AGPAT4: variants seen among roughly 807,000 people sequenced by gnomAD.
The protein encoded by AGPAT4 is 1-acyl-sn-glycerol-3-phosphate acyltransferase delta.
In AGPAT4, 15 loss-of-function variants were observed where a neutral mutation model predicts 48.0. That is an observed-to-expected ratio of 0.31 (90% confidence interval 0.21 to 0.48). AGPAT4 has a LOEUF of 0.48. Ranked by LOEUF, AGPAT4 falls within the 20% of genes least tolerant of loss-of-function variation. The pLI is 0.99. For missense variants in AGPAT4, 314 were observed against 482.5 expected, an observed-to-expected ratio of 0.65 and a Z score of 3.27; for synonymous variants, 178 against 198.7, an observed-to-expected ratio of 0.90 and a Z score of 0.88.
In AGPAT4 at chr6:161,223,096, C is replaced by A. The variant is rs542294529; in HGVS notation, c.178+8940G>T. Among the ~76,000 whole-genome samples, 1 of 152,268 alleles carries A rather than the reference C, an allele frequency of 6.6e-6. No individual in the cohort carries two copies. Among genetic ancestry groups the A allele is most frequent in the South Asian group, 2.1e-4 (1 of 4,828 alleles). Reference sequence around the variant, plus strand: ...CCTGCACTCCCTGTGTACCTCCAGTCTAATCATCAACTCACTGCTCTACCA... The same window carrying A: ...CCTGCACTCCCTGTGTACCTCCAGTATAATCATCAACTCACTGCTCTACCA... On this transcript the variant is annotated intron_variant, in intron 2 of 8. Transcript: ENST00000320285. The surrounding 1 kb of genome is among the most constrained non-coding windows in gnomAD (Gnocchi z 6.3).
chr6:161,194,596 GTA>G (rs1340286803), intron 2 of AGPAT4, among the ~76,000 whole-genome samples: 1 of 151,688 alleles, frequency 6.6e-6, no homozygotes, highest in East Asian at 1.9e-4. Flanking sequence ...GTGTATGTAT[GTA>G]TGTGTGTCTA....
rs869113068 is a variant in AGPAT4 at position 161,181,503 on chromosome 6, CA to C, written c.179-15087del. On this transcript the variant is annotated intron_variant, in intron 2 of 8. Transcript: ENST00000320285. ...GGCCATGCAGACACGGTGGGGGTAG[CA>C]GGGGGCGGGGGGCGCTTCCTAACTG... 2.1e-4 allele frequency among the ~76,000 whole-genome samples: 27 copies of C among 126,134 alleles called. 1 individual carries two copies. Among genetic ancestry groups the C allele is most frequent in the African/African-American group, 6.3e-4 (21 of 33,482 alleles). 82.7% of individuals were successfully genotyped at this position (126,134 alleles called of 152,430 possible).
At position 161,223,523 on chromosome 6, in the gene AGPAT4, A is replaced by G. The variant is rs1781886074; in HGVS notation, c.178+8513T>C. ...GTTCACATAGCGGTGTTATTAAATGAGGTAATGGCTAGGAAAGGTTTAGCA... is the reference window on the plus strand; with the variant it reads ...GTTCACATAGCGGTGTTATTAAATGGGGTAATGGCTAGGAAAGGTTTAGCA... On this transcript the variant is annotated intron_variant, in intron 2 of 8. Coordinates refer to ENST00000320285, the MANE Select transcript of AGPAT4 (RefSeq NM_020133.3). The surrounding 1 kb of genome is among the most constrained non-coding windows in gnomAD (Gnocchi z 6.3). Among the ~76,000 whole-genome samples, 1 of 152,230 alleles carries G rather than the reference A, an allele frequency of 6.6e-6. No individual in the cohort carries two copies. Among genetic ancestry groups the G allele is most frequent in the Non-Finnish European group, 1.5e-5 (1 of 68,036 alleles).
chr6:161,143,232 G>A lies in AGPAT4; in HGVS notation c.843+3292C>T, dbSNP rs977634229. Among the ~76,000 whole-genome samples the A allele has an allele frequency of 2.6e-5, 4 of 152,148 alleles. No homozygotes were observed. Among genetic ancestry groups the A allele is most frequent in the African/African-American group, 9.7e-5 (4 of 41,422 alleles). ...GGACTACAGGTGTGTACCGCTAGGTGCAGCTAGTTTGTAAAATTTTTTTGT... is the reference window on the plus strand; with the variant it reads ...GGACTACAGGTGTGTACCGCTAGGTACAGCTAGTTTGTAAAATTTTTTTGT... On this transcript the variant is annotated intron_variant, in intron 7 of 8. Coordinates refer to ENST00000320285, the MANE Select transcript of AGPAT4 (RefSeq NM_020133.3). This position sits in a 1 kb window ranked among gnomAD's most constrained non-coding sequence, Gnocchi z 4.7.
At chr6:161,176,374 C>G (rs1202681362) in intron 2 of AGPAT4, among the ~76,000 whole-genome samples, 1 of 152,038 alleles carries the variant, frequency 6.6e-6, no homozygotes, top group Non-Finnish European at 1.5e-5. Flanking sequence ...TGAATTGATC[C>G]CTTCACCATT....
At chr6:161,160,289 T>C (rs1583290967) in intron 3 of AGPAT4, 1 of 152,548 alleles carries the variant, frequency 6.6e-6, no homozygotes, top group South Asian at 2.1e-4. Context: ...CTTGCTCACA[T>C]TGCATTCCTT....
intron 2 of AGPAT4, among the ~76,000 whole-genome samples, chr6:161,174,876 A>G (rs965543491): frequency 2.6e-5 from 4 of 152,132 alleles, no homozygotes; most frequent in Admixed American, 2.6e-4. Context: ...AATTTTGTCA[A>G]AGGCCTTTTC....
Position 161,240,051 on chromosome 6 carries a change from G to C in AGPAT4, c.-89-7749C>G, listed in dbSNP as rs1275882585. ...TGAATTATGGAAGACCCACCAAATGGAATAGGTGAAGTGTCACTAAAATAG... is the reference window on the plus strand; with the variant it reads ...TGAATTATGGAAGACCCACCAAATGCAATAGGTGAAGTGTCACTAAAATAG... On this transcript the variant is annotated intron_variant, in intron 1 of 8. Coordinates refer to ENST00000320285, the MANE Select transcript of AGPAT4 (RefSeq NM_020133.3). This position sits in a 1 kb window ranked among gnomAD's most constrained non-coding sequence, Gnocchi z 5.5. Among the ~76,000 whole-genome samples, 1 of 151,978 alleles carries C rather than the reference G, an allele frequency of 6.6e-6. No individual in the cohort carries two copies. Among genetic ancestry groups the C allele is most frequent in the Non-Finnish European group, 1.5e-5 (1 of 68,004 alleles).
intron 5 of AGPAT4, among the ~76,000 whole-genome samples, chr6:161,150,866 A>G (rs910031886): frequency 6.6e-6 from 1 of 152,242 alleles, no homozygotes; most frequent in Non-Finnish European, 1.5e-5. Flanking sequence ...CTTCCCAGTA[A>G]GAAGGGGCCA....
At chr6:161,186,874 T>A (rs905455505) in intron 2 of AGPAT4, among the ~76,000 whole-genome samples, 6 of 152,164 alleles carry the variant, frequency 3.9e-5, no homozygotes, top group Non-Finnish European at 5.9e-5. Flanking sequence ...CTAAAGGATG[T>A]CCAGCCTTTT....
chr6:161,181,814 C>T (rs1041263398), intron 2 of AGPAT4, among the ~76,000 whole-genome samples: 1 of 152,098 alleles, frequency 6.6e-6, no homozygotes, highest in African/African-American at 2.4e-5. Context: ...CCAAGAAGGC[C>T]AAGCTCTTGA....
In AGPAT4 at chr6:161,171,370, G is replaced by C. The variant is rs911901673; in HGVS notation, c.179-4953C>G. Among the ~76,000 whole-genome samples the C allele has an allele frequency of 6.6e-6, 1 of 152,204 alleles. No homozygotes were observed. The highest frequency in any genetic ancestry group is 1.5e-5 in the Non-Finnish European group (1 of 68,042). ...TGGGAAGTCCAAAGTCAAGAGGGCT[G>C]CATCTGGCAAGGTCCTTCTTGCTGT... On this transcript the variant is annotated intron_variant, in intron 2 of 8. Coordinates refer to ENST00000320285, the MANE Select transcript of AGPAT4 (RefSeq NM_020133.3). The surrounding 1 kb of genome is among the most constrained non-coding windows in gnomAD (Gnocchi z 4.4).
chr6:161,255,561 T>G lies in AGPAT4; in HGVS notation c.-90+18377A>C, dbSNP rs915516766. On this transcript the variant is annotated intron_variant, in intron 1 of 8. Transcript: ENST00000320285. The surrounding 1 kb of genome is among the most constrained non-coding windows in gnomAD (Gnocchi z 4.7). ...CCACAAGAAAGAATAAATTAATTAC[T>G]GATACATGCTACAACATGAATGAAC... Among the ~76,000 whole-genome samples the G allele has an allele frequency of 5.9e-5, 9 of 152,196 alleles. No homozygotes were observed. Among genetic ancestry groups the G allele is most frequent in the Non-Finnish European group, 8.8e-5 (6 of 68,040 alleles).
chr6:161,130,812 G>C lies in AGPAT4; in HGVS notation c.*5728C>G, dbSNP rs1164113313. 1.9e-6 allele frequency: 1 copy of C among 517,978 alleles called. No individual in the cohort carries two copies. Among genetic ancestry groups the C allele is most frequent in the Non-Finnish European group, 3.9e-6 (1 of 259,218 alleles). The allele number at this position is 517,978 out of a possible 1,614,324, so 32.1% of individuals were successfully genotyped here. A position where few individuals can be genotyped will look rare whatever the true frequency, so the allele number is the denominator to read the frequency against. On this transcript the variant is annotated 3_prime_UTR_variant, in exon 9 of 9. Transcript: ENST00000320285. Reference sequence around the variant, plus strand: ...GCTGGCTCTGCAGCGTTGTGACTTAGACACTTTACAAGTCTGAGCCATCCC... The same window carrying C: ...GCTGGCTCTGCAGCGTTGTGACTTACACACTTTACAAGTCTGAGCCATCCC...
chr6:161,199,427 C>G (rs1280248188), intron 2 of AGPAT4, among the ~76,000 whole-genome samples: 1 of 152,154 alleles, frequency 6.6e-6, no homozygotes, highest in African/African-American at 2.4e-5. Flanking sequence ...TCTGGGAAGG[C>G]ATTTGGTAGA....
In AGPAT4 at chr6:161,192,923, G is replaced by A. The variant is rs527901047; in HGVS notation, c.179-26506C>T. Among the ~76,000 whole-genome samples the A allele has an allele frequency of 8.5e-5, 13 of 152,290 alleles. 1 individual carries two copies. In the East Asian group the frequency reaches 1.9e-3, roughly 23 times the overall value. On this transcript the variant is annotated intron_variant, in intron 2 of 8. Coordinates refer to ENST00000320285, the MANE Select transcript of AGPAT4 (RefSeq NM_020133.3). ...AAGGTGGTCTGTCACTCTTTGGAAG[G>A]TGTCTTTTCTCTTCTGGTGACATTT...
chr6:161,203,298 C>A (rs999986220), intron 2 of AGPAT4, among the ~76,000 whole-genome samples: 3 of 151,902 alleles, frequency 2.0e-5, no homozygotes, highest in African/African-American at 7.3e-5. Flanking sequence ...TAGTATGTAA[C>A]CCATGCTCAA....
rs536643747 is a variant in AGPAT4, at chr6:161,251,612, G to A, written c.-89-19310C>T. Among the ~76,000 whole-genome samples the A allele has an allele frequency of 3.3e-5, 5 of 152,206 alleles. No individual in the cohort carries two copies. The highest frequency in any genetic ancestry group is 7.2e-5 in the African/African-American group (3 of 41,436). ...CTGTCCGGCCGCTGGTTAAAGACCC[G>A]CAGGGAGGATGGAAGCTGCGCCTGA... On this transcript the variant is annotated intron_variant, in intron 1 of 8. Coordinates refer to ENST00000320285, the MANE Select transcript of AGPAT4 (RefSeq NM_020133.3). This position sits in a 1 kb window ranked among gnomAD's most constrained non-coding sequence, Gnocchi z 4.6.
In AGPAT4 at chr6:161,266,561, T is replaced by A. The variant is rs1469658714; in HGVS notation, c.-90+7377A>T. ...CAGGAAAGCAGAGGCTGGAGGCAGA[T>A]GCTAGAAATGGACTCACAGGCATAG... is the stretch of plus-strand genomic sequence containing the variant. On this transcript the variant is annotated intron_variant, in intron 1 of 8. Transcript: ENST00000320285. The surrounding 1 kb of genome is among the most constrained non-coding windows in gnomAD (Gnocchi z 6.2). 2.0e-5 allele frequency among the ~76,000 whole-genome samples: 3 copies of A among 152,092 alleles called. No individual in the cohort carries two copies. The East Asian group carries it at 5.8e-4, about 29-fold the overall frequency.
Sources: allele counts gnomAD v4.1 joint callset (sites outside exome capture counted in the v4.1 genomes callset), GRCh38; gene constraint gnomAD v4.1.1; non-coding constraint Gnocchi (gnomAD v3.1); transcripts MANE v1.5; gene names NCBI Gene and HGNC (gene_info 2026-07-23, HGNC 2026-07-21).